Variants in GNG2 observed in about 807,000 individuals in gnomAD.
GNG2 encodes the protein guanine nucleotide-binding protein G(I)/G(S)/G(O) subunit gamma-2.
Under a neutral mutation model 5.5 loss-of-function variants are expected in GNG2, and 5 were observed. That is an observed-to-expected ratio of 0.91 (90% CI 0.48 to 1.92). The LOEUF is 1.92. GNG2 is among the 30% of genes most tolerant of loss of function. The pLI is 0.01. For missense variants in GNG2, 55 were observed against 88.4 expected (o/e 0.62, Z 1.52); for synonymous variants, 28 against 32.0 (o/e 0.88, Z 0.42).
chr14:51,943,425 A>G (rs1006997001), intron 2 of GNG2, among the ~76,000 whole-genome samples: 1 of 152,228 alleles, frequency 6.6e-6, no homozygotes, highest in Non-Finnish European at 1.5e-5. Context: ...TGAAAAAGGG[A>G]CACTAGCAAA....
chr14:51,966,788 CGAG>C lies in GNG2; in HGVS notation c.*105_*107del. On this transcript the variant is annotated 3_prime_UTR_variant, in exon 4 of 4. Coordinates refer to ENST00000556766, the MANE Select transcript of GNG2 (RefSeq NM_053064.5). ...TCTAGTCCACGGCATTTGAAGAGAGCGAGGAGAACCATTCTGGAAACTCTAGGC... is the reference window on the plus strand; with the variant it reads ...TCTAGTCCACGGCATTTGAAGAGAGCGAGAACCATTCTGGAAACTCTAGGC... 1 of 991,642 alleles carries C rather than the reference CGAG, an allele frequency of 1.0e-6. No homozygotes were observed. The highest frequency in any genetic ancestry group is 1.6e-6 in the Non-Finnish European group (1 of 635,796). The allele number at this position is 991,642 out of a possible 1,614,324, so 61.4% of individuals were successfully genotyped here.
At chr14:51,915,391 T>C (rs910435873) in intron 2 of GNG2, among the ~76,000 whole-genome samples, 3 of 152,188 alleles carry the variant, frequency 2.0e-5, no homozygotes, top group Non-Finnish European at 4.4e-5. Flanking sequence ...TTGCTTCTTG[T>C]AAACTGTTAC....
At position 51,942,571 on chromosome 14, in the gene GNG2, C is replaced by CTCTTTCTTTCTTTCTTTCTTTCTTTCTT. The variant is rs1555356824; in HGVS notation, c.-29-8058_-29-8057insCTTTCTTTCTTTCTTTCTTTCTTTCTTT. Among the ~76,000 whole-genome samples, 172 of 55,636 alleles carry CTCTTTCTTTCTTTCTTTCTTTCTTTCTT rather than the reference C, an allele frequency of 3.1e-3. 27 individuals are homozygous for CTCTTTCTTTCTTTCTTTCTTTCTTTCTT. Among genetic ancestry groups the CTCTTTCTTTCTTTCTTTCTTTCTTTCTT allele is most frequent in the South Asian group, 0.011 (19 of 1,756 alleles). The allele number at this position is 55,636 out of a possible 152,430, so 36.5% of individuals were successfully genotyped here. ...ATTATTAGAATTTTATTTATTTTTTCTCTTTCTTTCTTTCTTTCTTTTTTT... is the reference window on the plus strand; with the variant it reads ...ATTATTAGAATTTTATTTATTTTTTCTCTTTCTTTCTTTCTTTCTTTCTTTCTTTCTTTCTTTCTTTCTTTCTTTTTTT... On this transcript the variant is annotated intron_variant, in intron 2 of 3. Transcript: ENST00000556766.
chr14:51,935,353 C>G (rs1362305137), intron 2 of GNG2, among the ~76,000 whole-genome samples: 1 of 152,120 alleles, frequency 6.6e-6, no homozygotes, highest in Non-Finnish European at 1.5e-5. Flanking sequence ...CTTACTGCAT[C>G]AGAATGCCTC....
intron 2 of GNG2, among the ~76,000 whole-genome samples, chr14:51,935,554 C>G (rs182801272): frequency 1.3e-5 from 2 of 152,292 alleles, no homozygotes; most frequent in Admixed American, 1.3e-4. Context: ...GGGGGGATGG[C>G]AAAATGTTAG....
In GNG2 at chr14:51,934,568, C is replaced by A. The variant is rs568271354; in HGVS notation, c.-29-16082C>A. On this transcript the variant is annotated intron_variant, in intron 2 of 3. Transcript: ENST00000556766. ...ACTTTACAGAGGGGGAAACTGAGGC[C>A]CGGGGGGAAATGACTCATCCGTGAT... 3.9e-5 allele frequency among the ~76,000 whole-genome samples: 6 copies of A among 152,150 alleles called. No individual in the cohort carries two copies. The East Asian group carries it at 9.7e-4, about 25-fold the overall frequency.
At chr14:51,964,189 G>C (rs1179144168) in intron 3 of GNG2, among the ~76,000 whole-genome samples, 2 of 152,122 alleles carry the variant, frequency 1.3e-5, no homozygotes, top group Non-Finnish European at 2.9e-5. Flanking sequence ...ATAAGCCAAG[G>C]GATACCAAAG....
chr14:51,848,380 C>T (rs185031979), intron 2 of GNG2, among the ~76,000 whole-genome samples: 141 of 152,212 alleles, frequency 9.3e-4, no homozygotes, highest in African/African-American at 2.9e-3. Flanking sequence ...AGAATACAAC[C>T]GTGACCAACA....
At chr14:51,827,279 A>T (rs1881054550) in intron 1 of GNG2, among the ~76,000 whole-genome samples, 1 of 152,248 alleles carries the variant, frequency 6.6e-6, no homozygotes, top group African/African-American at 2.4e-5. Context: ...CACATACACT[A>T]GAACAGTGCT....
At chr14:51,960,244 C>G (rs987397853) in intron 3 of GNG2, among the ~76,000 whole-genome samples, 2 of 151,072 alleles carry the variant, frequency 1.3e-5, no homozygotes, top group African/African-American at 2.5e-5. Context: ...TTCAAGTTCA[C>G]TAATCTTTCT....
chr14:51,875,051 A>G (rs1883566240), intron 1 of GNG2, among the ~76,000 whole-genome samples: 1 of 152,264 alleles, frequency 6.6e-6, no homozygotes, highest in Non-Finnish European at 1.5e-5. Context: ...TGTTAATTAA[A>G]TTGTTAGTTG....
upstream of GNG2, among the ~76,000 whole-genome samples, chr14:51,856,960 T>G (rs997070208): frequency 2.6e-5 from 4 of 152,216 alleles, no homozygotes; most frequent in African/African-American, 9.6e-5. Flanking sequence ...TTCTCATTTT[T>G]GAGACTTCCT....
At chr14:51,918,392 GA>G (rs919367939) in intron 2 of GNG2, among the ~76,000 whole-genome samples, 9 of 141,234 alleles carry the variant, frequency 6.4e-5, no homozygotes, top group East Asian at 6.1e-4. Context: ...TCCTTCATTT[GA>G]AAAAAAAAAA....
intron 2 of GNG2, among the ~76,000 whole-genome samples, chr14:51,839,263 A>G (rs1392347334): frequency 6.6e-6 from 1 of 152,216 alleles, no homozygotes; most frequent in Non-Finnish European, 1.5e-5. Context: ...TAAGATGAAC[A>G]TTGGTTCAGT....
chr14:51,919,784 G>A (rs767373354), intron 2 of GNG2, among the ~76,000 whole-genome samples: 16 of 152,282 alleles, frequency 1.1e-4, no homozygotes, highest in South Asian at 4.1e-4. Flanking sequence ...CAGGCAAAAC[G>A]GAGATCATCT....
At chr14:51,932,199 A>G (rs1241757643) in intron 2 of GNG2, among the ~76,000 whole-genome samples, 1 of 144,878 alleles carries the variant, frequency 6.9e-6, no homozygotes, top group African/African-American at 2.6e-5. Flanking sequence ...GTGAGCCAAG[A>G]TCACACCACT....
intron 1 of GNG2, among the ~76,000 whole-genome samples, chr14:51,826,948 G>A (rs1292257831): frequency 1.3e-5 from 2 of 152,186 alleles, no homozygotes; most frequent in Non-Finnish European, 2.9e-5. Flanking sequence ...TAGGAGCAAT[G>A]AGAAGATAAG....
intron 3 of GNG2, chr14:51,952,241 C>T (rs1298529779): frequency 4.1e-6 from 1 of 245,908 alleles, no homozygotes; most frequent in African/African-American, 2.2e-5. Flanking sequence ...AAATTTGATG[C>T]CTAGTAATGG....
At chr14:51,873,609 T>G (rs1883450308) in intron 1 of GNG2, among the ~76,000 whole-genome samples, 1 of 152,206 alleles carries the variant, frequency 6.6e-6, no homozygotes, top group Non-Finnish European at 1.5e-5. Context: ...CATTTGGCAT[T>G]CTCTTGGGAA....
Sources: allele counts gnomAD v4.1 joint callset (sites outside exome capture counted in the v4.1 genomes callset), GRCh38; gene constraint gnomAD v4.1.1; transcripts MANE v1.5; gene names NCBI Gene and HGNC (gene_info 2026-07-23, HGNC 2026-07-21).